Variants in PIGQ observed in about 807,000 individuals in gnomAD.
PIGQ encodes phosphatidylinositol N-acetylglucosaminyltransferase subunit Q.
A neutral mutation model predicts 60.3 loss-of-function variants in PIGQ; 54 were observed. The ratio of observed to expected loss-of-function variants is 0.90; its 90% CI spans 0.72 to 1.12. PIGQ has a LOEUF of 1.12. Among genes scored for constraint, PIGQ ranks in the 50% most tolerant of loss-of-function variants. The pLI is 0.00. For missense variants in PIGQ, 799 were observed against 793.5 expected (o/e 1.01, Z -0.08); for synonymous variants, 416 against 363.7 (o/e 1.14, Z -1.64).
chr16:581,422 C>T, intron 9 of PIGQ: 1 of 982,012 alleles, frequency 1.0e-6, no homozygotes, highest in Non-Finnish European at 1.3e-6. Flanking sequence ...GGGGCTCTTC[C>T]CTGCTTGCCG....
At chr16:581,438 C>T in intron 9 of PIGQ, 1 of 898,536 alleles carries the variant, frequency 1.1e-6, no homozygotes, top group Non-Finnish European at 1.4e-6. Flanking sequence ...TGCCGGACAC[C>T]TGGCTTCTTT....
intron 2 of PIGQ, among the ~76,000 whole-genome samples, 188 bp from the exon 3 acceptor site, chr16:575,651 G>C (rs895164230): frequency 6.6e-6 from 1 of 152,176 alleles, no homozygotes; most frequent in African/African-American, 2.4e-5. Context: ...TGTTAGTCAC[G>C]TGCACTGTGA....
chr16:582,715 G>A, intron 10 of PIGQ, 168 bp from the exon 11 acceptor site: 1 of 762,772 alleles, frequency 1.3e-6, no homozygotes, highest in Non-Finnish European at 2.2e-6. Context: ...CTCCCTTCTG[G>A]CTGCAGGCTC....
intron 9 of PIGQ, 64 bp from the exon 10 acceptor site, chr16:582,184 C>A: frequency 4.2e-6 from 5 of 1,192,598 alleles, no homozygotes; most frequent in Non-Finnish European, 6.1e-6. Flanking sequence ...GTACCTGCAG[C>A]CTCTGCTCAT....
intron 2 of PIGQ, among the ~76,000 whole-genome samples, chr16:574,986 A>T (rs1235278456): frequency 6.6e-6 from 1 of 152,212 alleles, no homozygotes; most frequent in East Asian, 1.9e-4. Flanking sequence ...GGGCAGCCTC[A>T]GGGATTGCCA....
At chr16:572,814 G>T (rs1057395301) in intron 1 of PIGQ, among the ~76,000 whole-genome samples, 5 of 152,162 alleles carry the variant, frequency 3.3e-5, no homozygotes, top group African/African-American at 4.8e-5. Context: ...CGACCTCCAG[G>T]CGTCCCGCTC....
At chr16:577,567 A>G (rs772843004) in intron 4 of PIGQ, among the ~76,000 whole-genome samples, 27 of 141,404 alleles carry the variant, frequency 1.9e-4, no homozygotes, top group Non-Finnish European at 3.7e-4. Context: ...ACAAAACAAG[A>G]CTCCGTCTCA....
Position 582,867 on chromosome 16 carries a change from G to C in PIGQ, c.1594-16G>C. ...AGCTCAGACCACCCCACTGACCGCT[G>C]CCCTTGTCCTTCCAGATAAACCCAC... On this transcript the variant is annotated splice_polypyrimidine_tract_variant and intron_variant, in intron 10 of 10. Coordinates refer to ENST00000321878, the MANE Select transcript of PIGQ (RefSeq NM_004204.5). The C allele has an allele frequency of 6.3e-7, 1 of 1,585,668 alleles. No homozygotes were observed. Among genetic ancestry groups the C allele is most frequent in the Non-Finnish European group, 8.6e-7 (1 of 1,163,256 alleles).
chr16:574,031 C>G (rs761133720), intron 1 of PIGQ, 35 bp from the exon 2 acceptor site: 2 of 1,451,956 alleles, frequency 1.4e-6, no homozygotes, highest in East Asian at 4.6e-5. Context: ...GGGGCAGCAG[C>G]AGCTCTGAGC....
In PIGQ at chr16:578,927, C is replaced by A; in HGVS notation, c.1212C>A (p.Val404=). 1 of 1,611,802 alleles carries A rather than the reference C, an allele frequency of 6.2e-7. No homozygotes were observed. Residue 404 remains valine, a synonymous_variant, in exon 6 of 11, where the codon GTC becomes GTA. Coordinates refer to ENST00000321878, the MANE Select transcript of PIGQ (RefSeq NM_004204.5). ...CCTTCCACATCTACTGCTTTTACGT[C>A]TATGGAGCCAGGTGGGCGTGGGCTT... ...LLTFHIYCFY[V]YGARLYCLKI...
At chr16:580,599 C>G in intron 8 of PIGQ, 1 of 557,760 alleles carries the variant, frequency 1.8e-6, no homozygotes, top group South Asian at 2.4e-5. Flanking sequence ...CTGCTTGATT[C>G]CCAGGCCTCG....
chr16:580,328 C>A, intron 8 of PIGQ, 65 bp downstream of exon 8: 1 of 1,296,770 alleles, frequency 7.7e-7, no homozygotes, highest in Non-Finnish European at 1.1e-6. Flanking sequence ...CCAGCGCTGC[C>A]TGGGAGCAGT....
rs749659144 is a variant in PIGQ, at chr16:574,269, C to A, written c.195C>A (p.Thr65=). The A allele has an allele frequency of 1.6e-5, 26 of 1,607,644 alleles. No individual in the cohort carries two copies. Among genetic ancestry groups the A allele is most frequent in the Non-Finnish European group, 2.1e-5 (25 of 1,179,094 alleles). ...AGGTGGGCGTGGCCGTGCTGGGCAC[C>A]TGGTGCCACTGCCGGCAGGAGCCCG... is the stretch of plus-strand genomic sequence containing the variant. The part of the protein sequence containing the change: ...ASQVGVAVLG[T]WCHCRQEPEE... The change falls in exon 2 of 11, where the codon ACC becomes ACA. Residue 65 remains threonine (T), a synonymous_variant. Transcript: ENST00000321878.
At chr16:571,488 C>CTGTGTGTGTG (rs71299924) in intron 1 of PIGQ, among the ~76,000 whole-genome samples, 1,721 of 61,738 alleles carry the variant, frequency 0.028, 95 homozygotes, top group East Asian at 0.069. Flanking sequence ...TCTGGTTAGC[C>CTGTGTGTGTG]TGTGTGTGTG....
chr16:583,607 G>T lies in PIGQ; in HGVS notation c.*572G>T. On this transcript the variant is annotated 3_prime_UTR_variant, in exon 11 of 11. Coordinates refer to ENST00000321878, the MANE Select transcript of PIGQ (RefSeq NM_004204.5). ...CTGAACCACACGGGGTTTATTTGCG[G>T]ATGTTCCCTGGAGAGGTCGCTTTGT... 2 of 1,612,818 alleles carry T rather than the reference G, an allele frequency of 1.2e-6. No homozygotes were observed. The highest frequency in any genetic ancestry group is 1.7e-6 in the Non-Finnish European group (2 of 1,179,964).
rs779318907 is a variant in PIGQ at position 576,216 on chromosome 16, A to G, written c.904A>G (p.Ile302Val). ...GTCCTGGCTCCACGGGAGAAGCCGCATCGGGCATCTGGCCGACGCCCTCGT... is the reference window on the plus strand; with the variant it reads ...GTCCTGGCTCCACGGGAGAAGCCGCGTCGGGCATCTGGCCGACGCCCTCGT... ...LLSWLHGRSR[I>V]GHLADALVPV... Residue 302 changes from isoleucine to valine, a missense_variant, in exon 4 of 11, where the codon ATC becomes GTC. By Grantham distance (29) the Ile-to-Val change is conservative. Coordinates refer to ENST00000321878, the MANE Select transcript of PIGQ (RefSeq NM_004204.5). The G allele has an allele frequency of 3.9e-6, 6 of 1,551,304 alleles. No homozygotes were observed. The highest frequency in any genetic ancestry group is 1.7e-4 in the Middle Eastern group (1 of 5,942).
chr16:578,591 C>G (rs1361722047), intron 5 of PIGQ, 86 bp downstream of exon 5: 1 of 1,485,902 alleles, frequency 6.7e-7, no homozygotes, highest in African/African-American at 1.4e-5. Flanking sequence ...CCCCTGTGCC[C>G]CCAACTCTGC....
At chr16:581,284 A>T (rs1567177722) in intron 9 of PIGQ, 1 of 1,336,688 alleles carries the variant, frequency 7.5e-7, no homozygotes, top group African/African-American at 1.5e-5. Flanking sequence ...ACTGCAGGCC[A>T]GGGGCCAAGC....
chr16:577,556 G>A (rs1355243337), intron 4 of PIGQ, among the ~76,000 whole-genome samples: 9 of 148,554 alleles, frequency 6.1e-5, no homozygotes, highest in African/African-American at 7.5e-5. Context: ...CAGCCTGGGC[G>A]ACAAAACAAG....
Sources: allele counts gnomAD v4.1 joint callset (sites outside exome capture counted in the v4.1 genomes callset), GRCh38; gene constraint gnomAD v4.1.1; transcripts MANE v1.5; gene names NCBI Gene and HGNC (gene_info 2026-07-23, HGNC 2026-07-21).